Variants in VAV2 observed in about 807,000 individuals in gnomAD.
VAV2 encodes the protein guanine nucleotide exchange factor VAV2.
In VAV2, 67 loss-of-function variants were observed where a neutral mutation model predicts 132.5. That is an observed-to-expected ratio of 0.51 (90% CI 0.42 to 0.62). The LOEUF (loss-of-function observed/expected upper bound fraction) is 0.62. Ranked by LOEUF, VAV2 falls within the 20% of genes least tolerant of loss-of-function variation. The pLI is 0.00. For synonymous variants in VAV2, 492 were observed against 443.5 expected (o/e 1.11, Z -1.37); for missense variants, 938 against 1,153.6 (o/e 0.81, Z 2.71).
chr9:133,827,249 GCGGGGGCAT>G lies in VAV2; in HGVS notation c.449+7014_449+7022del, dbSNP rs1216174984. On this transcript the variant is annotated intron_variant, in intron 4 of 29. Coordinates refer to ENST00000371850, the MANE Select transcript of VAV2 (RefSeq NM_001134398.2). ...TGTGCCCACTGGGGCTGACCACTGA[GCGGGGGCAT>G]CACCACCTACCGCTGCGCCCACTGA... 4.3e-3 allele frequency among the ~76,000 whole-genome samples: 78 copies of G among 18,204 alleles called. 7 individuals carry two copies. Among genetic ancestry groups the G allele is most frequent in the East Asian group, 9.3e-3 (1 of 108 alleles). The allele number at this position is 18,204 out of a possible 152,430, so 11.9% of individuals were successfully genotyped here.
At position 133,918,788 on chromosome 9, in the gene VAV2, T is replaced by C. The variant is rs1195838336; in HGVS notation, c.321+20315A>G. Reference sequence around the variant, plus strand: ...GTGTGTGTTTGTTTGTTTGTTTGTTTGTTTTGAGACAGAGTCTTGTTCTGT... The same window carrying C: ...GTGTGTGTTTGTTTGTTTGTTTGTTCGTTTTGAGACAGAGTCTTGTTCTGT... On this transcript the variant is annotated intron_variant, in intron 2 of 29. Coordinates refer to ENST00000371850, the MANE Select transcript of VAV2 (RefSeq NM_001134398.2). The surrounding 1 kb of genome is among the most constrained non-coding windows in gnomAD (Gnocchi z 4.7). Among the ~76,000 whole-genome samples, 1 of 152,056 alleles carries C rather than the reference T, an allele frequency of 6.6e-6. No individual in the cohort carries two copies. Among genetic ancestry groups the C allele is most frequent in the African/African-American group, 2.4e-5 (1 of 41,380 alleles).
chr9:133,803,439 G>A (rs1006655141), intron 9 of VAV2, among the ~76,000 whole-genome samples: 1 of 150,756 alleles, frequency 6.6e-6, no homozygotes, highest in Non-Finnish European at 1.5e-5. Context: ...GCCACCAGGA[G>A]CTGGACTCCA....
intron 1 of VAV2, among the ~76,000 whole-genome samples, chr9:133,977,166 G>GAC (rs1032082718): frequency 6.6e-6 from 1 of 152,216 alleles, no homozygotes; most frequent in Non-Finnish European, 1.5e-5. Flanking sequence ...AACCAAGAGG[G>GAC]ACTTCAGGCA....
At chr9:133,956,055 C>G (rs1841767942) in intron 1 of VAV2, among the ~76,000 whole-genome samples, 1 of 151,826 alleles carries the variant, frequency 6.6e-6, no homozygotes, top group African/African-American at 2.4e-5. Context: ...GGCCAGGAGG[C>G]ACAAAGCACA....
In VAV2 at chr9:133,776,074, T is replaced by C. The variant is rs1833800043; in HGVS notation, c.1972A>G (p.Ile658Val). The change falls in exon 24 of 30, where the codon ATC becomes GTC. Residue 658 changes from isoleucine to valine, a missense_variant. Coordinates refer to ENST00000371850, the MANE Select transcript of VAV2 (RefSeq NM_001134398.2). ...KPCPVDGRPP[I>V]SRPPSREIDY... The stretch of plus-strand genomic sequence containing the variant: ...ATCTCCCGGGATGGCGGCCGGCTGA[T>C]GGGCGGCTGGTGGCAGAGCACAAGA... 2 of 1,612,980 alleles carry C rather than the reference T, an allele frequency of 1.2e-6. No individual in the cohort carries two copies. The highest frequency in any genetic ancestry group is 1.3e-5 in the African/African-American group (1 of 75,026).
intron 1 of VAV2, among the ~76,000 whole-genome samples, chr9:133,940,594 C>T (rs1286786908): frequency 6.6e-6 from 1 of 152,148 alleles, no homozygotes; most frequent in Non-Finnish European, 1.5e-5. Context: ...CCACTCCTCC[C>T]ATCCTGGCAG....
In VAV2 at chr9:133,863,624, T is replaced by TGAAG. The variant is rs1205983796; in HGVS notation, c.322-2196_322-2193dup. 6.6e-6 allele frequency among the ~76,000 whole-genome samples: 1 copy of TGAAG among 152,148 alleles called. No individual in the cohort carries two copies. The highest frequency in any genetic ancestry group is 2.4e-5 in the African/African-American group (1 of 41,434). ...GGATGAACGTGTCACGAGCAGCTGA[T>TGAAG]GAAGGGCTCTGGAGGGCCTGCAGCA... On this transcript the variant is annotated intron_variant, in intron 2 of 29. Transcript: ENST00000371850. The surrounding 1 kb of genome is among the most constrained non-coding windows in gnomAD (Gnocchi z 5.0).
chr9:133,947,827 TCAA>T (rs1275780907), intron 1 of VAV2, among the ~76,000 whole-genome samples: 1 of 150,402 alleles, frequency 6.6e-6, no homozygotes, highest in Non-Finnish European at 1.5e-5. Flanking sequence ...TCTCACTGCA[TCAA>T]CGAGGCTGGA....
intron 5 of VAV2, 39 bp downstream of exon 5, chr9:133,812,075 A>G (rs2131702955): frequency 6.3e-7 from 1 of 1,588,838 alleles, no homozygotes; most frequent in African/African-American, 1.3e-5. Context: ...TCTGCGAGGG[A>G]AGGGAGGGGA....
At chr9:133,843,317 T>C (rs1209874919) in intron 3 of VAV2, among the ~76,000 whole-genome samples, 1 of 152,150 alleles carries the variant, frequency 6.6e-6, no homozygotes, top group Non-Finnish European at 1.5e-5. Context: ...GCAAGGGAGC[T>C]GGTGTGAAGA....
At chr9:133,819,253 G>C (rs1835689708) in intron 4 of VAV2, among the ~76,000 whole-genome samples, 1 of 151,652 alleles carries the variant, frequency 6.6e-6, no homozygotes, top group African/African-American at 2.4e-5. Context: ...GACCATCCTG[G>C]CTAACACAGT....
intron 2 of VAV2, among the ~76,000 whole-genome samples, chr9:133,932,814 G>A (rs1340890818): frequency 6.6e-6 from 1 of 152,224 alleles, no homozygotes; most frequent in Non-Finnish European, 1.5e-5. Flanking sequence ...CACCTGGCAG[G>A]CTTCCCAGGG....
chr9:133,809,738 T>G (rs1379549843), intron 6 of VAV2, among the ~76,000 whole-genome samples: 1 of 152,210 alleles, frequency 6.6e-6, no homozygotes. Flanking sequence ...TCTGGTGGAA[T>G]GTGGCCGGGA....
rs140371476 is a variant in VAV2, at chr9:133,888,787, C to G, written c.322-27355G>C. Among the ~76,000 whole-genome samples, 901 of 152,340 alleles carry G rather than the reference C, an allele frequency of 5.9e-3. 4 individuals carry two copies. The highest frequency in any genetic ancestry group is 0.022 in the South Asian group (104 of 4,820). ...CATCCCAGCGGCTGGCTGCAAGATA[C>G]TTAACATTTAATTTCTAGGTCCAGG... On this transcript the variant is annotated intron_variant, in intron 2 of 29. Coordinates refer to ENST00000371850, the MANE Select transcript of VAV2 (RefSeq NM_001134398.2).
At chr9:133,813,517 T>C (rs892123908) in intron 4 of VAV2, among the ~76,000 whole-genome samples, 1 of 152,182 alleles carries the variant, frequency 6.6e-6, no homozygotes, top group Non-Finnish European at 1.5e-5. Context: ...AGGAAGGCCC[T>C]CAGCACCTTC....
At position 133,778,805 on chromosome 9, in the gene VAV2, A is replaced by G; in HGVS notation, c.1847T>C (p.Val616Ala). ...AGGGTCGCCCCTCAGCAGCTCAAGC[A>G]CGTCGCCCGTCTGGAAGGTCAGCAC... ...KPVLTFQTGD[V>A]LELLRGDPES... Residue 616 changes from valine (V) to alanine (A), a missense_variant, in exon 22 of 30, where the codon GTG becomes GCG. Coordinates refer to ENST00000371850, the MANE Select transcript of VAV2 (RefSeq NM_001134398.2). 6.2e-7 allele frequency: 1 copy of G among 1,613,030 alleles called. No homozygotes were observed. The highest frequency in any genetic ancestry group is 8.5e-7 in the Non-Finnish European group (1 of 1,180,000).
intron 1 of VAV2, among the ~76,000 whole-genome samples, chr9:133,940,672 C>CGCGTGTGTGT (rs71503365): frequency 1.4e-4 from 20 of 139,358 alleles, no homozygotes; most frequent in Admixed American, 5.8e-4. Context: ...TGTCCACGTG[C>CGCGTGTGTGT]GTGTGTGTGT....
chr9:133,811,447 T>C (rs1039481281), intron 5 of VAV2, among the ~76,000 whole-genome samples: 5 of 152,340 alleles, frequency 3.3e-5, no homozygotes, highest in Middle Eastern at 3.4e-3. Context: ...GGTTGGCAAG[T>C]GGCATCTCAC....
intron 2 of VAV2, among the ~76,000 whole-genome samples, chr9:133,878,653 C>G (rs1016700652): frequency 6.6e-6 from 1 of 152,230 alleles, no homozygotes; most frequent in Non-Finnish European, 1.5e-5. Flanking sequence ...GAGGCCATCC[C>G]TGCTGACCCC....
Sources: gnomAD v4.1 joint callset for allele counts (sites outside exome capture counted in the v4.1 genomes callset) on GRCh38, gnomAD v4.1.1 for gene constraint, Gnocchi (gnomAD v3.1) non-coding constraint, MANE v1.5 for transcripts, NCBI Gene and HGNC (gene_info 2026-07-23, HGNC 2026-07-21) for gene names.